The following LEKR1 variants were observed in gnomAD, a reference collection of about 807,000 sequenced individuals.
LEKR1 encodes protein LEKR1.
LEKR1 carries 59 observed loss-of-function variants against 72.4 expected under a neutral mutation model. The ratio of observed to expected loss-of-function variants is 0.82; its 90% CI spans 0.66 to 1.01. The LOEUF (loss-of-function observed/expected upper bound fraction) is 1.01. LEKR1 is among the 50% of genes least tolerant of loss of function. LEKR1 has a pLI of 0.00. For missense variants in LEKR1, 728 were observed against 759.2 expected, an observed-to-expected ratio of 0.96 and a Z score of 0.48; for synonymous variants, 257 against 263.2, an observed-to-expected ratio of 0.98 and a Z score of 0.23.
chr3:157,035,534 C>G (rs187884744), intron 12 of LEKR1, among the ~76,000 whole-genome samples: 95 of 152,230 alleles, frequency 6.2e-4, no homozygotes, highest in Non-Finnish European at 1.1e-3. Context: ...ACACAAGTAA[C>G]CAGGCTTATG....
intron 3 of LEKR1, among the ~76,000 whole-genome samples, chr3:156,881,534 A>G (rs1398590457): frequency 6.6e-6 from 1 of 151,524 alleles, no homozygotes; most frequent in African/African-American, 2.4e-5. Context: ...TTCCATGCTC[A>G]TGGGTAGGAA....
At chr3:156,854,543 TCC>T (rs1491398421) in intron 3 of LEKR1, among the ~76,000 whole-genome samples, 1 of 146,258 alleles carries the variant, frequency 6.8e-6, no homozygotes. Flanking sequence ...TTTCTTTCTT[TCC>T]TTTTTTTTTT....
chr3:156,936,651 T>TA (rs1163543156), intron 5 of LEKR1, among the ~76,000 whole-genome samples: 2 of 152,196 alleles, frequency 1.3e-5, no homozygotes, highest in Non-Finnish European at 2.9e-5. Flanking sequence ...ATGTAGTTTT[T>TA]AAAAAATCTA....
intron 2 of LEKR1, among the ~76,000 whole-genome samples, chr3:156,841,305 G>A (rs1020790239): frequency 5.9e-5 from 9 of 152,204 alleles, no homozygotes; most frequent in African/African-American, 1.9e-4. Context: ...AACAACTTCA[G>A]TGTTTTGAAA....
At chr3:156,995,937 A>G (rs965930803) in intron 9 of LEKR1, among the ~76,000 whole-genome samples, 4 of 152,140 alleles carry the variant, frequency 2.6e-5, no homozygotes, top group Admixed American at 2.0e-4. Context: ...TCTTTTTTCT[A>G]GGCTACTTTC....
chr3:156,932,864 A>G lies in LEKR1; in HGVS notation c.559+5260A>G, dbSNP rs535289233. ...GCTAACATGATGAAAACCTGTCTCTACTAAAAATACAAAAAATTAGCCAGG... is the reference window on the plus strand; with the variant it reads ...GCTAACATGATGAAAACCTGTCTCTGCTAAAAATACAAAAAATTAGCCAGG... On this transcript the variant is annotated intron_variant, in intron 5 of 12. Transcript: ENST00000356539. Among the ~76,000 whole-genome samples the G allele has an allele frequency of 3.3e-5, 5 of 151,614 alleles. No homozygotes were observed. The South Asian group carries it at 1.0e-3, about 32-fold the overall frequency.
At chr3:156,901,173 C>T (rs1209597208) in intron 3 of LEKR1, among the ~76,000 whole-genome samples, 2 of 152,042 alleles carry the variant, frequency 1.3e-5, no homozygotes, top group African/African-American at 4.8e-5. Flanking sequence ...GTCTTTCTAA[C>T]AAATTTTCTT....
intron 3 of LEKR1, among the ~76,000 whole-genome samples, chr3:156,859,455 A>G (rs1716497398): frequency 6.6e-6 from 1 of 152,168 alleles, no homozygotes; most frequent in Admixed American, 6.5e-5. Context: ...TTTATTTTTT[A>G]GAGCAGTTTT....
intron 10 of LEKR1, among the ~76,000 whole-genome samples, chr3:157,022,358 G>C (rs559903648): frequency 7.2e-5 from 11 of 152,174 alleles, no homozygotes; most frequent in African/African-American, 9.6e-5. Context: ...TAGTAGCATG[G>C]GTTGGAGTGA....
intron 1 of LEKR1, among the ~76,000 whole-genome samples, chr3:156,827,661 C>T (rs1264014605): frequency 6.6e-6 from 1 of 152,196 alleles, no homozygotes; most frequent in Non-Finnish European, 1.5e-5. Context: ...TGTCTTTCTG[C>T]ATTGTGGAGC....
chr3:156,830,314 A>G (rs1712211143), intron 2 of LEKR1, among the ~76,000 whole-genome samples: 1 of 152,198 alleles, frequency 6.6e-6, no homozygotes, highest in Non-Finnish European at 1.5e-5. Flanking sequence ...TGTTTAGTGC[A>G]ATTTCATAAG....
At chr3:156,916,605 T>A (rs558351839) in intron 3 of LEKR1, among the ~76,000 whole-genome samples, 69 of 152,284 alleles carry the variant, frequency 4.5e-4, no homozygotes, top group African/African-American at 1.6e-3. Flanking sequence ...ATGTTGATTT[T>A]GTATCCTGAA....
At chr3:156,931,469 A>G (rs909573578) in intron 5 of LEKR1, among the ~76,000 whole-genome samples, 3 of 152,162 alleles carry the variant, frequency 2.0e-5, no homozygotes, top group African/African-American at 7.2e-5. Flanking sequence ...CATCTATCCG[A>G]AGTCCCTGAA....
At chr3:156,891,490 G>T (rs921176006) in intron 3 of LEKR1, among the ~76,000 whole-genome samples, 1 of 152,134 alleles carries the variant, frequency 6.6e-6, no homozygotes, top group African/African-American at 2.4e-5. Context: ...GAAATATAAG[G>T]TTATTGTTTT....
intron 3 of LEKR1, among the ~76,000 whole-genome samples, chr3:156,912,436 T>C (rs753489182): frequency 3.3e-5 from 5 of 152,176 alleles, no homozygotes; most frequent in Non-Finnish European, 5.9e-5. Flanking sequence ...CCAGCTCCTA[T>C]GCACTGGGCA....
At chr3:156,872,147 CA>C (rs1718028546) in intron 3 of LEKR1, among the ~76,000 whole-genome samples, 1 of 151,596 alleles carries the variant, frequency 6.6e-6, no homozygotes, top group African/African-American at 2.4e-5. Flanking sequence ...TCAGATTTTC[CA>C]TTTCTTCCTA....
intron 6 of LEKR1, among the ~76,000 whole-genome samples, chr3:156,943,476 A>G (rs954212885): frequency 2.6e-5 from 4 of 151,944 alleles, no homozygotes; most frequent in East Asian, 1.9e-4. Flanking sequence ...TAATTATCCT[A>G]TCTTACAGAG....
intron 5 of LEKR1, among the ~76,000 whole-genome samples, chr3:156,940,838 T>G (rs988290999): frequency 1.2e-4 from 19 of 152,176 alleles, no homozygotes; most frequent in African/African-American, 4.6e-4. Flanking sequence ...CCTGCTAACC[T>G]GAGCAGTGTC....
At chr3:156,930,342 AT>A (rs749860013) in intron 5 of LEKR1, among the ~76,000 whole-genome samples, 99 of 151,876 alleles carry the variant, frequency 6.5e-4, no homozygotes, top group Non-Finnish European at 4.0e-4. Context: ...TTTCCTTTAA[AT>A]TTTTTTTTAA....
Sources: gnomAD v4.1 joint callset for allele counts (sites outside exome capture counted in the v4.1 genomes callset) on GRCh38, gnomAD v4.1.1 for gene constraint, MANE v1.5 for transcripts, NCBI Gene and HGNC (gene_info 2026-07-23, HGNC 2026-07-21) for gene names.